Variants in AXDND1 observed in about 807,000 individuals in gnomAD.
AXDND1 encodes the protein axonemal dynein light chain domain containing 1.
AXDND1 carries 110 observed loss-of-function variants against 137.5 expected under a neutral mutation model. The observed-to-expected ratio is 0.80, with a 90% CI of 0.69 to 0.94. AXDND1 has a LOEUF of 0.94. Among genes scored for constraint, AXDND1 ranks in the 40% least tolerant of loss-of-function variants. The probability of loss-of-function intolerance (pLI) is 0.00; values close to 1 mark genes in which losing one functional copy is unlikely to be tolerated. For missense variants in AXDND1, 1,191 were observed against 1,169.8 expected, an observed-to-expected ratio of 1.02 and a Z score of -0.26; for synonymous variants, 414 against 399.7, an observed-to-expected ratio of 1.04 and a Z score of -0.43.
At position 179,435,818 on chromosome 1, in the gene AXDND1, A is replaced by G. The variant is rs551913964; in HGVS notation, c.1563+3476A>G. Among the ~76,000 whole-genome samples, 3 of 152,378 alleles carry G rather than the reference A, an allele frequency of 2.0e-5. No homozygotes were observed. In the East Asian group the frequency reaches 5.8e-4, roughly 29 times the overall value. Reference sequence around the variant, plus strand: ...TGAAAATGCCAAAAGCAATTGCAACAAAAACCAAAATTGACAAATGGGATC... The same window carrying G: ...TGAAAATGCCAAAAGCAATTGCAACGAAAACCAAAATTGACAAATGGGATC... On this transcript the variant is annotated intron_variant, in intron 15 of 25. Transcript: ENST00000367618.
chr1:179,466,318 T>A (rs917367597), intron 16 of AXDND1, among the ~76,000 whole-genome samples: 3 of 145,210 alleles, frequency 2.1e-5, no homozygotes, highest in Admixed American at 1.4e-4. Context: ...TGGGGTCTAA[T>A]TATGTTGCCT....
intron 21 of AXDND1, among the ~76,000 whole-genome samples, chr1:179,516,883 G>A (rs1558293415): frequency 6.6e-6 from 1 of 152,194 alleles, no homozygotes; most frequent in Non-Finnish European, 1.5e-5. Flanking sequence ...CAGTTCGTGA[G>A]GGTTCTTAGC....
chr1:179,466,784 T>G (rs1406799200), intron 16 of AXDND1, among the ~76,000 whole-genome samples: 2 of 152,188 alleles, frequency 1.3e-5, no homozygotes, highest in Non-Finnish European at 2.9e-5. Context: ...TTAGAGATAA[T>G]TTGAGACTCT....
At chr1:179,486,139 A>AAAAAAAAAAAAACT (rs149119239) in intron 18 of AXDND1, among the ~76,000 whole-genome samples, 6 of 87,766 alleles carry the variant, frequency 6.8e-5, no homozygotes, top group Admixed American at 3.3e-4. Context: ...AAAAAAAAAA[A>AAAAAAAAAAAAACT]AACCTGATAG....
intron 15 of AXDND1, among the ~76,000 whole-genome samples, chr1:179,433,310 A>C (rs956505293): frequency 3.3e-5 from 5 of 152,144 alleles, no homozygotes; most frequent in African/African-American, 1.2e-4. Context: ...TTTCAAAAAA[A>C]ATAGCTCCTG....
intron 16 of AXDND1, chr1:179,451,352 C>T (rs984845616): frequency 6.7e-5 from 10 of 149,790 alleles, no homozygotes; most frequent in Admixed American, 4.0e-4. Flanking sequence ...AAAAAAAAAT[C>T]GTCCACTTTA....
chr1:179,403,520 G>T (rs527384866), intron 11 of AXDND1, among the ~76,000 whole-genome samples: 1 of 152,186 alleles, frequency 6.6e-6, no homozygotes, highest in Admixed American at 6.5e-5. Context: ...ACTTTTTACT[G>T]CAATACACAA....
At chr1:179,390,957 C>T (rs906356111) in intron 9 of AXDND1, among the ~76,000 whole-genome samples, 7 of 152,060 alleles carry the variant, frequency 4.6e-5, no homozygotes, top group African/African-American at 1.2e-4. Flanking sequence ...TAGGCATGCA[C>T]CATGACACCT....
At chr1:179,449,988 A>ATTTTTTT (rs58716807) in intron 16 of AXDND1, 2 of 65,370 alleles carry the variant, frequency 3.1e-5, no homozygotes, top group African/African-American at 6.2e-5. Context: ...GCCAATCTGG[A>ATTTTTTT]TTTTTTTTTT....
At chr1:179,478,457 T>C (rs1307291527) in intron 17 of AXDND1, among the ~76,000 whole-genome samples, 1 of 152,220 alleles carries the variant, frequency 6.6e-6, no homozygotes, top group Non-Finnish European at 1.5e-5. Context: ...CTGCCATGGC[T>C]TGTGGCTTGC....
intron 16 of AXDND1, among the ~76,000 whole-genome samples, chr1:179,461,907 C>G (rs535945245): frequency 5.9e-5 from 9 of 152,272 alleles, no homozygotes; most frequent in African/African-American, 2.2e-4. Context: ...TATCCTGAGA[C>G]TTTGCTGAAG....
At chr1:179,473,828 T>A (rs1249919218) in intron 17 of AXDND1, among the ~76,000 whole-genome samples, 1 of 152,196 alleles carries the variant, frequency 6.6e-6, no homozygotes, top group African/African-American at 2.4e-5. Flanking sequence ...AGGAACTTGC[T>A]TCTTTCTCCC....
At position 179,410,379 on chromosome 1, in the gene AXDND1, C is replaced by T. The variant is rs531453832; in HGVS notation, c.1110-767C>T. The stretch of plus-strand genomic sequence containing the variant: ...CCAAATAGCTGGAACTACAGGCACA[C>T]GCCACCACACCTGGCTAATTTTTGT... On this transcript the variant is annotated intron_variant, in intron 11 of 25. Coordinates refer to ENST00000367618, the MANE Select transcript of AXDND1 (RefSeq NM_144696.6). Among the ~76,000 whole-genome samples the T allele has an allele frequency of 3.9e-3, 588 of 152,196 alleles. 5 individuals are homozygous for T. Among genetic ancestry groups the T allele is most frequent in the African/African-American group, 0.013 (546 of 41,542 alleles).
intron 25 of AXDND1, among the ~76,000 whole-genome samples, chr1:179,553,909 C>A (rs2125777556): frequency 7.5e-6 from 1 of 134,018 alleles, no homozygotes; most frequent in African/African-American, 3.1e-5. Flanking sequence ...ACACCCCTGG[C>A]TAATTTTTTT....
At chr1:179,502,993 G>A (rs1668166613) in intron 20 of AXDND1, among the ~76,000 whole-genome samples, 1 of 151,958 alleles carries the variant, frequency 6.6e-6, no homozygotes, top group Admixed American at 6.6e-5. Flanking sequence ...TACTCAGGAG[G>A]CTGAGGCAGG....
intron 25 of AXDND1, chr1:179,552,503 C>G: frequency 1.1e-6 from 1 of 902,040 alleles, no homozygotes; most frequent in South Asian, 1.4e-5. Context: ...CAGCTTCTGC[C>G]CAGTGCCTAA....
intron 17 of AXDND1, among the ~76,000 whole-genome samples, chr1:179,480,214 A>G (rs1282048374): frequency 6.6e-6 from 1 of 152,162 alleles, no homozygotes; most frequent in Non-Finnish European, 1.5e-5. Context: ...CATACCTGAG[A>G]CTGGGTAATT....
At chr1:179,510,354 CAG>C (rs1212401133) in intron 21 of AXDND1, among the ~76,000 whole-genome samples, 1 of 152,134 alleles carries the variant, frequency 6.6e-6, no homozygotes, top group African/African-American at 2.4e-5. Flanking sequence ...CCATTGTTAT[CAG>C]AGTCATACTA....
chr1:179,425,153 C>T (rs954621298), intron 12 of AXDND1, among the ~76,000 whole-genome samples: 1 of 152,164 alleles, frequency 6.6e-6, no homozygotes, highest in Non-Finnish European at 1.5e-5. Context: ...TCTTCTCTGT[C>T]TGGCTTGTTT....
Sources: gnomAD v4.1 joint callset for allele counts (sites outside exome capture counted in the v4.1 genomes callset) on GRCh38, gnomAD v4.1.1 for gene constraint, MANE v1.5 for transcripts, NCBI Gene and HGNC (gene_info 2026-07-23, HGNC 2026-07-21) for gene names.